The following NCKAP5 variants were observed in gnomAD, a reference collection of about 807,000 sequenced individuals.
NCKAP5 encodes NCK associated protein 5.
In NCKAP5, 92 loss-of-function variants were observed where a neutral mutation model predicts 167.0. The ratio of observed to expected loss-of-function variants is 0.55; its 90% confidence interval spans 0.47 to 0.66. NCKAP5 has a LOEUF of 0.66. Among genes scored for constraint, NCKAP5 ranks in the 30% least tolerant of loss-of-function variants. The probability of loss-of-function intolerance (pLI) is 0.00; values close to 1 mark genes in which losing one functional copy is unlikely to be tolerated. For missense variants in NCKAP5, 2,378 were observed against 2,315.0 expected (o/e 1.03, Z -0.56); for synonymous variants, 891 against 877.4 (o/e 1.02, Z -0.27).
chr2:133,466,855 G>A (rs899261216), intron 3 of NCKAP5, among the ~76,000 whole-genome samples: 1 of 152,104 alleles, frequency 6.6e-6, no homozygotes, highest in Non-Finnish European at 1.5e-5. Context: ...TTTGTACATT[G>A]ATTTTGTATG....
chr2:133,507,864 T>C (rs1245175032), intron 3 of NCKAP5, among the ~76,000 whole-genome samples: 1 of 152,198 alleles, frequency 6.6e-6, no homozygotes, highest in Non-Finnish European at 1.5e-5. Context: ...TTCATGGCCA[T>C]GAACCCTATG....
At chr2:133,266,579 AC>A (rs2089236024) in intron 4 of NCKAP5, 1 of 151,614 alleles carries the variant, frequency 6.6e-6, no homozygotes. Flanking sequence ...CCAGGGGTTG[AC>A]TCCGCAGCGC....
At chr2:133,151,816 A>G (rs1399323175) in intron 5 of NCKAP5, among the ~76,000 whole-genome samples, 1 of 152,190 alleles carries the variant, frequency 6.6e-6, no homozygotes, top group East Asian at 1.9e-4. Flanking sequence ...AAAAAAATGC[A>G]CATGGCTGGG....
intron 6 of NCKAP5, among the ~76,000 whole-genome samples, chr2:133,064,298 C>T (rs1461947513): frequency 6.6e-6 from 1 of 152,180 alleles, no homozygotes; most frequent in African/African-American, 2.4e-5. Flanking sequence ...CTGATTATAA[C>T]TGGAAGGTGG....
chr2:132,734,959 T>C (rs1691367293), intron 16 of NCKAP5, among the ~76,000 whole-genome samples: 1 of 152,234 alleles, frequency 6.6e-6, no homozygotes, highest in Non-Finnish European at 1.5e-5. Context: ...TGCCCAGCTT[T>C]TCCTCTGAAA....
intron 19 of NCKAP5, among the ~76,000 whole-genome samples, chr2:132,675,262 C>A (rs7582703): frequency 6.6e-6 from 1 of 152,122 alleles, no homozygotes; most frequent in Non-Finnish European, 1.5e-5. Context: ...GGCTGAGCTT[C>A]GATTTCAGCT....
At chr2:133,356,300 C>A (rs1044200153) in intron 3 of NCKAP5, among the ~76,000 whole-genome samples, 1 of 152,180 alleles carries the variant, frequency 6.6e-6, no homozygotes, top group Non-Finnish European at 1.5e-5. Flanking sequence ...CTCAGGGGTA[C>A]TGTGCAACAA....
At chr2:132,775,916 G>A (rs1021250377) in intron 15 of NCKAP5, among the ~76,000 whole-genome samples, 4 of 152,150 alleles carry the variant, frequency 2.6e-5, no homozygotes, top group Admixed American at 2.0e-4. Context: ...TCGCAGGGGT[G>A]CCCTCGAAAC....
At chr2:133,394,658 C>T (rs1231296517) in intron 3 of NCKAP5, among the ~76,000 whole-genome samples, 3 of 152,154 alleles carry the variant, frequency 2.0e-5, no homozygotes, top group Non-Finnish European at 2.9e-5. Flanking sequence ...TACATAGTGA[C>T]GTTTCTTTAC....
intron 3 of NCKAP5, among the ~76,000 whole-genome samples, chr2:133,460,791 A>G (rs910810530): frequency 3.3e-5 from 5 of 152,196 alleles, no homozygotes; most frequent in African/African-American, 4.8e-5. Context: ...GAAAAATCCT[A>G]TATTTTATTT....
rs146190260 is a variant in NCKAP5, at chr2:132,695,975, C to T, written c.5714-22670G>A. Among the ~76,000 whole-genome samples, 584 of 152,306 alleles carry T rather than the reference C, an allele frequency of 3.8e-3. 4 individuals are homozygous for T. The highest frequency in any genetic ancestry group is 0.012 in the African/African-American group (502 of 41,570). On this transcript the variant is annotated intron_variant, in intron 19 of 19. Coordinates refer to ENST00000409261, the MANE Select transcript of NCKAP5 (RefSeq NM_207363.3). ...TGTTTCAGAATATCACCTACACTAG[C>T]AGTTAACTTTCATTTGAGTATTTTG...
At chr2:133,346,171 T>C (rs746920085) in intron 3 of NCKAP5, among the ~76,000 whole-genome samples, 13 of 152,020 alleles carry the variant, frequency 8.6e-5, no homozygotes, top group Non-Finnish European at 1.8e-4. Flanking sequence ...ATGACCCAAA[T>C]ATGGTAGTAG....
chr2:132,760,980 C>G (rs1364692912), intron 16 of NCKAP5, among the ~76,000 whole-genome samples: 1 of 152,118 alleles, frequency 6.6e-6, no homozygotes, highest in African/African-American at 2.4e-5. Flanking sequence ...TGAATTAGGT[C>G]CCTGAGCCAC....
At chr2:132,920,767 GTATGTA>G (rs1226240339) in intron 8 of NCKAP5, among the ~76,000 whole-genome samples, 5 of 31,256 alleles carry the variant, frequency 1.6e-4, no homozygotes, top group Admixed American at 2.8e-4. Flanking sequence ...GTATATATAT[GTATGTA>G]TATATATATA....
chr2:132,965,268 G>A (rs1443350964), intron 7 of NCKAP5, among the ~76,000 whole-genome samples: 3 of 152,156 alleles, frequency 2.0e-5, no homozygotes, highest in Non-Finnish European at 2.9e-5. Context: ...TGCCAGGCAA[G>A]TTTAAGATGT....
intron 3 of NCKAP5, among the ~76,000 whole-genome samples, chr2:133,460,055 C>G (rs1390430690): frequency 6.6e-6 from 1 of 152,122 alleles, no homozygotes; most frequent in Admixed American, 6.6e-5. Context: ...AAAAAAGGTG[C>G]TATTTGTGAC....
rs748131949 is a variant in NCKAP5 at position 132,731,974 on chromosome 2, C to A, written c.5206G>T (p.Gly1736Ter). Residue 1736 changes from glycine to a stop codon, truncating the protein, a stop_gained, in exon 17 of 20, where the codon GGA (glycine) becomes TGA (stop). Transcript: ENST00000409261. LOFTEE classifies it high-confidence loss of function. ...PLPDSGNRST[G>*]RYLCQPDSPE... ...GAGTCTGGCTGGCATAGGTAGCGTC[C>A]TGTCGAGCGATTTCCCGAGTCTGGG... is the stretch of plus-strand genomic sequence containing the variant. 1 of 1,613,892 alleles carries A rather than the reference C, an allele frequency of 6.2e-7. No individual in the cohort carries two copies. Among genetic ancestry groups the A allele is most frequent in the Non-Finnish European group, 8.5e-7 (1 of 1,179,882 alleles).
chr2:133,489,583 C>G (rs1681256806), intron 3 of NCKAP5, among the ~76,000 whole-genome samples: 1 of 152,198 alleles, frequency 6.6e-6, no homozygotes, highest in South Asian at 2.1e-4. Context: ...TGGCACTAAA[C>G]TTATACAATC....
chr2:133,410,832 A>G (rs561057062), intron 3 of NCKAP5, among the ~76,000 whole-genome samples: 2 of 152,348 alleles, frequency 1.3e-5, no homozygotes, highest in East Asian at 3.9e-4. Context: ...AGATGCTTTT[A>G]AAAACTACTG....
Sources: gnomAD v4.1 joint callset for allele counts (sites outside exome capture counted in the v4.1 genomes callset) on GRCh38, gnomAD v4.1.1 for gene constraint, MANE v1.5 for transcripts, NCBI Gene and HGNC (gene_info 2026-07-23, HGNC 2026-07-21) for gene names.